The following RASAL2 variants were observed in gnomAD, a reference collection of about 807,000 sequenced individuals.
RASAL2 encodes RAS protein activator like 2, also known as ras GTPase-activating protein nGAP.
In RASAL2, 58 loss-of-function variants were observed where a neutral mutation model predicts 128.9. The observed-to-expected ratio is 0.45, with a 90% confidence interval of 0.36 to 0.56. The LOEUF is 0.56. Ranked by LOEUF, RASAL2 falls within the 20% of genes least tolerant of loss-of-function variation. The pLI is 0.00. For missense variants in RASAL2, 1,360 were observed against 1,601.6 expected (o/e 0.85, Z 2.57); for synonymous variants, 561 against 580.8 (o/e 0.97, Z 0.49).
At chr1:178,385,989 T>A (rs895271270) in intron 3 of RASAL2, among the ~76,000 whole-genome samples, 8 of 152,150 alleles carry the variant, frequency 5.3e-5, no homozygotes, top group Non-Finnish European at 1.2e-4. Flanking sequence ...CCTAAAACAC[T>A]TGTCACCTTC....
intron 1 of RASAL2, among the ~76,000 whole-genome samples, chr1:178,282,898 G>T (rs1350230147): frequency 6.6e-6 from 1 of 152,176 alleles, no homozygotes; most frequent in African/African-American, 2.4e-5. Context: ...AGAGATGTTA[G>T]TAACCACTTG....
chr1:178,354,011 A>T (rs1219927028), intron 3 of RASAL2, among the ~76,000 whole-genome samples: 1 of 151,962 alleles, frequency 6.6e-6, no homozygotes, highest in Non-Finnish European at 1.5e-5. Context: ...CAAATTACAA[A>T]TTTTTTTCAG....
intron 1 of RASAL2, among the ~76,000 whole-genome samples, chr1:178,254,614 G>A (rs764653618): frequency 9.2e-5 from 14 of 152,276 alleles, no homozygotes; most frequent in Admixed American, 2.6e-4. Context: ...CCACTACTGA[G>A]CTCACTGAGA....
chr1:178,258,953 C>T (rs1161846556), intron 1 of RASAL2, among the ~76,000 whole-genome samples: 1 of 151,974 alleles, frequency 6.6e-6, no homozygotes, highest in African/African-American at 2.4e-5. Flanking sequence ...CTAACACTTT[C>T]TAAACACGAA....
chr1:178,193,727 C>T (rs1212739141), intron 1 of RASAL2, among the ~76,000 whole-genome samples: 1 of 152,042 alleles, frequency 6.6e-6, no homozygotes, highest in Non-Finnish European at 1.5e-5. Context: ...TAGATTGCCT[C>T]ATAATACATG....
intron 1 of RASAL2, among the ~76,000 whole-genome samples, chr1:178,099,392 TGCCTAG>T (rs1362871676): frequency 6.6e-6 from 1 of 152,242 alleles, no homozygotes; most frequent in Non-Finnish European, 1.5e-5. Flanking sequence ...CTTCTAAGAA[TGCCTAG>T]GCATGTACTG....
At chr1:178,371,347 C>G (rs1286524896) in intron 3 of RASAL2, among the ~76,000 whole-genome samples, 2 of 145,494 alleles carry the variant, frequency 1.4e-5, no homozygotes, top group South Asian at 4.6e-4. Flanking sequence ...CACACACACA[C>G]ACACAAATAC....
rs534302243 is a variant in RASAL2 at position 178,152,377 on chromosome 1, G to A, written c.202+57683G>A. On this transcript the variant is annotated intron_variant, in intron 1 of 17. Transcript: ENST00000367649. ...TGGGTTGTATCTCTTATAATAAATC[G>A]TAAATATAAGTACAGTGTTTTGTGA... 1.6e-3 allele frequency among the ~76,000 whole-genome samples: 236 copies of A among 152,212 alleles called. 1 individual carries two copies. Among genetic ancestry groups the A allele is most frequent in the African/African-American group, 5.4e-3 (225 of 41,534 alleles).
intron 3 of RASAL2, among the ~76,000 whole-genome samples, chr1:178,334,962 A>T (rs952546331): frequency 2.9e-4 from 44 of 150,324 alleles, no homozygotes; most frequent in East Asian, 1.2e-3. Flanking sequence ...TCTAAAATTT[A>T]AAAAAAAAAT....
intron 1 of RASAL2, among the ~76,000 whole-genome samples, chr1:178,189,086 A>G (rs1318305020): frequency 6.6e-6 from 1 of 152,180 alleles, no homozygotes; most frequent in East Asian, 1.9e-4. Flanking sequence ...GATGACATTG[A>G]TACCAGCTGC....
At chr1:178,207,052 C>CA (rs1333775457) in intron 1 of RASAL2, among the ~76,000 whole-genome samples, 2 of 150,356 alleles carry the variant, frequency 1.3e-5, no homozygotes, top group Admixed American at 6.7e-5. Context: ...CATGGTGTTG[C>CA]AAACCTGTAG....
rs537280599 is a variant in RASAL2 at position 178,399,233 on chromosome 1, C to T, written c.564+9027C>T. Among the ~76,000 whole-genome samples, 16 of 152,274 alleles carry T rather than the reference C, an allele frequency of 1.1e-4. No individual in the cohort carries two copies. In the South Asian group the frequency reaches 3.3e-3, roughly 32 times the overall value. ...TCTGACCCTGGCAGGGGCCTTTGCA[C>T]AAGTGTGAGAAAGATAGGGATTAGA... is the stretch of plus-strand genomic sequence containing the variant. On this transcript the variant is annotated intron_variant, in intron 4 of 17. Coordinates refer to ENST00000367649, the MANE Select transcript of RASAL2 (RefSeq NM_170692.4).
At chr1:178,123,619 T>C (rs1056112170) in intron 1 of RASAL2, 3 of 152,234 alleles carry the variant, frequency 2.0e-5, no homozygotes, top group African/African-American at 7.2e-5. Flanking sequence ...TTTCTGAAAT[T>C]GATCCTGAAT....
At chr1:178,281,351 T>C (rs1233788533) in intron 1 of RASAL2, among the ~76,000 whole-genome samples, 1 of 152,108 alleles carries the variant, frequency 6.6e-6, no homozygotes, top group Non-Finnish European at 1.5e-5. Context: ...TGAGACATTG[T>C]CTTGTTTTCA....
In RASAL2 at chr1:178,140,276, A is replaced by G. The variant is rs548179416; in HGVS notation, c.202+45582A>G. Among the ~76,000 whole-genome samples the G allele has an allele frequency of 1.4e-3, 211 of 152,302 alleles. 1 individual carries two copies. The highest frequency in any genetic ancestry group is 3.4e-3 in the Middle Eastern group (1 of 294). On this transcript the variant is annotated intron_variant, in intron 1 of 17. Transcript: ENST00000367649. ...CCAAGTGCCACTCTCCCCCAACCACACATAATTTCTTCTATGTTAGTTTGG... is the reference window on the plus strand; with the variant it reads ...CCAAGTGCCACTCTCCCCCAACCACGCATAATTTCTTCTATGTTAGTTTGG...
intron 3 of RASAL2, among the ~76,000 whole-genome samples, chr1:178,304,154 C>T (rs1434086225): frequency 6.6e-6 from 1 of 152,110 alleles, no homozygotes; most frequent in Non-Finnish European, 1.5e-5. Flanking sequence ...TTACAAAGTA[C>T]ACAGTAGGGA....
At chr1:178,220,356 T>G (rs1363511181) in intron 1 of RASAL2, among the ~76,000 whole-genome samples, 1 of 152,168 alleles carries the variant, frequency 6.6e-6, no homozygotes, top group Non-Finnish European at 1.5e-5. Context: ...GATGGAGCAG[T>G]CAGAACACAT....
intron 1 of RASAL2, among the ~76,000 whole-genome samples, chr1:178,217,147 G>A (rs1663449289): frequency 6.6e-6 from 1 of 151,916 alleles, no homozygotes; most frequent in Non-Finnish European, 1.5e-5. Context: ...GGCTAATTTT[G>A]TATTTTTAGT....
At chr1:178,112,896 A>T (rs975401004) in intron 1 of RASAL2, among the ~76,000 whole-genome samples, 4 of 152,006 alleles carry the variant, frequency 2.6e-5, no homozygotes, top group Admixed American at 6.5e-5. Context: ...GTACCCTAAA[A>T]CTTAAAGTAT....
Sources: allele counts gnomAD v4.1 joint callset (sites outside exome capture counted in the v4.1 genomes callset), GRCh38; gene constraint gnomAD v4.1.1; transcripts MANE v1.5; gene names NCBI Gene and HGNC (gene_info 2026-07-23, HGNC 2026-07-21).